CADM2: variants seen among roughly 807,000 people sequenced by gnomAD.
CADM2 encodes immunoglobulin superfamily member 4D.
CADM2 carries 12 observed loss-of-function variants against 49.8 expected under a neutral mutation model. The observed-to-expected ratio is 0.24, with a 90% CI of 0.15 to 0.39. The LOEUF (loss-of-function observed/expected upper bound fraction) is 0.39. Ranked by LOEUF, CADM2 falls within the 10% of genes least tolerant of loss-of-function variation. CADM2 has a pLI of 1.00. For missense variants in CADM2, 378 were observed against 492.3 expected, an observed-to-expected ratio of 0.77 and a Z score of 2.20; for synonymous variants, 214 against 175.4, an observed-to-expected ratio of 1.22 and a Z score of -1.74.
chr3:85,023,845 A>G (rs1207754460), intron 1 of CADM2, among the ~76,000 whole-genome samples: 3 of 151,896 alleles, frequency 2.0e-5, no homozygotes, highest in Admixed American at 1.3e-4. Context: ...CCATTTTGTC[A>G]TGTCTATTTT....
At chr3:85,501,148 A>G (rs1220065004) in intron 1 of CADM2, among the ~76,000 whole-genome samples, 1 of 152,216 alleles carries the variant, frequency 6.6e-6, no homozygotes, top group Non-Finnish European at 1.5e-5. Flanking sequence ...ACTTATTTGC[A>G]CATCTTTATA....
chr3:85,591,955 A>G (rs1441655597), intron 1 of CADM2, among the ~76,000 whole-genome samples: 1 of 152,018 alleles, frequency 6.6e-6, no homozygotes, highest in Non-Finnish European at 1.5e-5. Context: ...AATGAAACAC[A>G]AAAGAAACCA....
intron 1 of CADM2, among the ~76,000 whole-genome samples, chr3:85,072,598 A>G (rs1159444820): frequency 1.3e-5 from 2 of 152,048 alleles, no homozygotes; most frequent in Non-Finnish European, 2.9e-5. Flanking sequence ...TGCACAATGG[A>G]TTTATGTGTT....
intron 8 of CADM2, among the ~76,000 whole-genome samples, chr3:86,028,963 C>T (rs1412352167): frequency 6.6e-6 from 1 of 152,028 alleles, no homozygotes; most frequent in East Asian, 1.9e-4. Context: ...ATTATAAGTA[C>T]AATTGGACTA....
chr3:85,763,280 C>T (rs1372512218), intron 2 of CADM2, among the ~76,000 whole-genome samples: 1 of 152,178 alleles, frequency 6.6e-6, no homozygotes. Flanking sequence ...GTATCCCATG[C>T]TAACTTCTCA....
chr3:85,394,699 A>T (rs1407416488), intron 1 of CADM2, among the ~76,000 whole-genome samples: 3 of 152,144 alleles, frequency 2.0e-5, no homozygotes, highest in Non-Finnish European at 4.4e-5. Context: ...GACTTCATTT[A>T]TCATGATTTA....
chr3:85,850,202 A>G (rs1577470626), intron 3 of CADM2, among the ~76,000 whole-genome samples: 3 of 151,360 alleles, frequency 2.0e-5, no homozygotes, highest in African/African-American at 4.8e-5. Context: ...CGAAAGGATT[A>G]TTATCACTGT....
At chr3:85,862,244 T>G (rs1011539991) in intron 3 of CADM2, among the ~76,000 whole-genome samples, 3 of 152,166 alleles carry the variant, frequency 2.0e-5, no homozygotes, top group African/African-American at 4.8e-5. Flanking sequence ...ATTAGGATAT[T>G]TCTTATTCTC....
intron 1 of CADM2, among the ~76,000 whole-genome samples, chr3:85,641,767 A>G (rs2064721791): frequency 8.2e-6 from 1 of 122,648 alleles, no homozygotes; most frequent in Admixed American, 8.4e-5. Flanking sequence ...TTTACTAAAA[A>G]TACAAAAAAA....
chr3:85,100,611 ACATGG>A (rs1489209505), intron 1 of CADM2, among the ~76,000 whole-genome samples: 1 of 152,216 alleles, frequency 6.6e-6, no homozygotes, highest in African/African-American at 2.4e-5. Context: ...AGCACCAAAA[ACATGG>A]CAGAGAGTCA....
At chr3:85,810,845 G>A (rs1187486089) in intron 3 of CADM2, among the ~76,000 whole-genome samples, 1 of 152,018 alleles carries the variant, frequency 6.6e-6, no homozygotes, top group East Asian at 1.9e-4. Context: ...TGGCCTCATA[G>A]CCTTCTTAAA....
chr3:86,039,597 G>C (rs11924652), intron 8 of CADM2, among the ~76,000 whole-genome samples: 30,357 of 152,086 alleles, frequency 0.2, 3,212 homozygotes, highest in East Asian at 0.27. Flanking sequence ...AGCTCGAATT[G>C]GGTGGAGCCC....
chr3:85,253,996 A>G (rs2042831604), intron 1 of CADM2, among the ~76,000 whole-genome samples: 1 of 152,140 alleles, frequency 6.6e-6, no homozygotes. Context: ...GTCACATCTC[A>G]TGGTTGAAGG....
chr3:85,626,072 T>G, intron 1 of CADM2, among the ~76,000 whole-genome samples: 1 of 152,000 alleles, frequency 6.6e-6, no homozygotes, highest in East Asian at 1.9e-4. Context: ...TTTTTCAGAT[T>G]TTTAACAGGC....
intron 3 of CADM2, among the ~76,000 whole-genome samples, chr3:85,820,396 C>G (rs2073479450): frequency 6.6e-6 from 1 of 152,110 alleles, no homozygotes; most frequent in African/African-American, 2.4e-5. Context: ...AATTAGAGAG[C>G]TATTGCATTA....
At chr3:85,988,509 A>C (rs955962191) in intron 8 of CADM2, among the ~76,000 whole-genome samples, 2 of 152,196 alleles carry the variant, frequency 1.3e-5, no homozygotes, top group African/African-American at 2.4e-5. Flanking sequence ...AAAACGACTA[A>C]GAAAAAGAAT....
At chr3:84,999,172 G>GAATTATA (rs1226241346) in intron 1 of CADM2, among the ~76,000 whole-genome samples, 2 of 152,094 alleles carry the variant, frequency 1.3e-5, no homozygotes, top group Non-Finnish European at 2.9e-5. Flanking sequence ...GCTTTATGTA[G>GAATTATA]GGAATATAGT....
At chr3:85,646,270 G>A (rs2064881596) in intron 1 of CADM2, among the ~76,000 whole-genome samples, 1 of 151,932 alleles carries the variant, frequency 6.6e-6, no homozygotes, top group African/African-American at 2.4e-5. Context: ...TGTCAATCTA[G>A]TTAAATATCA....
chr3:85,080,764 G>C (rs2037132229), intron 1 of CADM2, among the ~76,000 whole-genome samples: 1 of 151,254 alleles, frequency 6.6e-6, no homozygotes, highest in African/African-American at 2.4e-5. Flanking sequence ...TATTCCTCTA[G>C]GTCCAGATGT....
Sources: gnomAD v4.1 joint callset for allele counts (sites outside exome capture counted in the v4.1 genomes callset) on GRCh38, gnomAD v4.1.1 for gene constraint, MANE v1.5 for transcripts, NCBI Gene and HGNC (gene_info 2026-07-23, HGNC 2026-07-21) for gene names.